Variants in POLN observed in about 807,000 individuals in gnomAD.
The protein encoded by POLN is DNA polymerase nu, also known as DNA polymerase N.
POLN carries 108 observed loss-of-function variants against 113.5 expected under a neutral mutation model. The observed-to-expected ratio is 0.95, with a 90% CI of 0.81 to 1.12. The LOEUF is 1.12. POLN is among the 50% of genes most tolerant of loss of function. The pLI, the probability that POLN is intolerant of heterozygous loss-of-function variation, is 0.00. For missense variants in POLN, 1,097 were observed against 1,077.1 expected (o/e 1.02, Z -0.26); for synonymous variants, 386 against 391.5 (o/e 0.99, Z 0.17).
chr4:2,130,334 C>A (rs1731694970), intron 17 of POLN, among the ~76,000 whole-genome samples: 1 of 151,266 alleles, frequency 6.6e-6, no homozygotes, highest in African/African-American at 2.4e-5. Flanking sequence ...GAGGACAAGA[C>A]AAGACTGCTC....
intron 13 of POLN, among the ~76,000 whole-genome samples, chr4:2,166,264 CCT>C (rs1162556266): frequency 1.3e-5 from 2 of 152,196 alleles, no homozygotes; most frequent in South Asian, 2.1e-4. Context: ...AGCCTCAGCC[CCT>C]GAGCAGCCTG....
At chr4:2,136,092 A>G (rs1731850713) in intron 16 of POLN, among the ~76,000 whole-genome samples, 1 of 152,204 alleles carries the variant, frequency 6.6e-6, no homozygotes, top group Non-Finnish European at 1.5e-5. Context: ...TTGACCACCC[A>G]TGAACATTTC....
Position 2,183,837 on chromosome 4 carries a change from G to A in POLN, c.1022-4372C>T, listed in dbSNP as rs1021190508. 4.0e-5 allele frequency among the ~76,000 whole-genome samples: 6 copies of A among 151,616 alleles called. 1 individual carries two copies. The highest frequency in any genetic ancestry group is 4.2e-4 in the South Asian group (2 of 4,784). ...TATGAAATTATATCTTAATAAAACC[G>A]CTATTTTTTAAAGCTATACCAGAAA... is the stretch of plus-strand genomic sequence containing the variant. On this transcript the variant is annotated intron_variant, in intron 7 of 25. Transcript: ENST00000511885.
At chr4:2,163,734 C>A (rs1258061837) in intron 13 of POLN, among the ~76,000 whole-genome samples, 1 of 152,242 alleles carries the variant, frequency 6.6e-6, no homozygotes, top group South Asian at 2.1e-4. Flanking sequence ...CCTGGGCATC[C>A]GTGTTTTCCA....
intron 16 of POLN, among the ~76,000 whole-genome samples, chr4:2,142,544 G>A (rs34858609): frequency 0.01 from 1,538 of 152,292 alleles, 30 homozygotes; most frequent in African/African-American, 0.033. Context: ...AGAAAATACG[G>A]CAGACTGGCT....
chr4:2,098,483 A>G (rs1453762623), intron 19 of POLN, among the ~76,000 whole-genome samples: 2 of 152,176 alleles, frequency 1.3e-5, no homozygotes, highest in Non-Finnish European at 2.9e-5. Context: ...AACTTAACCA[A>G]ATGAAAATGT....
Position 2,198,699 on chromosome 4 carries a change from T to G in POLN, c.733A>C (p.Arg245=). 6.2e-7 allele frequency: 1 copy of G among 1,609,138 alleles called. No homozygotes were observed. Among genetic ancestry groups the G allele is most frequent in the South Asian group, 1.1e-5 (1 of 90,130 alleles). Residue 245 remains arginine, a synonymous_variant, in exon 6 of 26, where the codon AGA becomes CGA. Transcript: ENST00000511885. ...GADQTPVSSV[R]GIVVLVKRQA... is the part of the protein sequence containing the mutation. ...CGTTTTACTAACACCACAATTCCTC[T>G]AACAGAAGAAACGGGGGTCTGTGGA...
intron 6 of POLN, among the ~76,000 whole-genome samples, chr4:2,194,658 A>G (rs1369187290): frequency 1.3e-5 from 2 of 152,198 alleles, no homozygotes; most frequent in Non-Finnish European, 2.9e-5. Context: ...CAACTACACT[A>G]TCTTCCGCTA....
At chr4:2,226,236 G>A (rs571427843) in intron 3 of POLN, among the ~76,000 whole-genome samples, 3 of 152,284 alleles carry the variant, frequency 2.0e-5, no homozygotes, top group African/African-American at 7.2e-5. Context: ...AATGGCACCC[G>A]CTGAGCTCAC....
At chr4:2,089,763 A>G in intron 20 of POLN, 3 of 724,380 alleles carry the variant, frequency 4.1e-6, no homozygotes, top group Non-Finnish European at 6.9e-6. Flanking sequence ...TGGACTTTAA[A>G]TCTGGTATTT....
Position 2,177,831 on chromosome 4 carries a change from G to C in POLN, c.1179+1477C>G, listed in dbSNP as rs574598185. Among the ~76,000 whole-genome samples the C allele has an allele frequency of 5.9e-5, 9 of 152,288 alleles. No individual in the cohort carries two copies. In the South Asian group the frequency reaches 1.9e-3, roughly 32 times the overall value. On this transcript the variant is annotated intron_variant, in intron 8 of 25. Transcript: ENST00000511885. ...GGTGTAGACACATGGTACAAGGAGGGAAAGAAAACACTCTCCAAGTGCTGA... is the reference window on the plus strand; with the variant it reads ...GGTGTAGACACATGGTACAAGGAGGCAAAGAAAACACTCTCCAAGTGCTGA...
chr4:2,160,209 G>A (rs1222554425), intron 13 of POLN, among the ~76,000 whole-genome samples: 2 of 152,168 alleles, frequency 1.3e-5, no homozygotes, highest in Admixed American at 1.3e-4. Context: ...AGTGACTAAC[G>A]CTGTTGGACA....
At chr4:2,206,571 T>A (rs963360079) in intron 5 of POLN, among the ~76,000 whole-genome samples, 1 of 151,870 alleles carries the variant, frequency 6.6e-6, no homozygotes, top group African/African-American at 2.4e-5. Context: ...AACAATCCCA[T>A]CAAAAAGTGG....
chr4:2,134,729 T>C (rs1731811108), intron 16 of POLN, among the ~76,000 whole-genome samples: 3 of 152,174 alleles, frequency 2.0e-5, no homozygotes, highest in African/African-American at 7.2e-5. Flanking sequence ...GTCACAATGC[T>C]CTGAAGAGCA....
intron 4 of POLN, among the ~76,000 whole-genome samples, chr4:2,212,455 G>A (rs1362626252): frequency 6.6e-6 from 1 of 152,052 alleles, no homozygotes; most frequent in East Asian, 1.9e-4. Flanking sequence ...GCTCACTGCA[G>A]CCTCAAAATC....
chr4:2,212,973 G>C, intron 4 of POLN, 74 bp downstream of exon 4: 1 of 1,051,758 alleles, frequency 9.5e-7, no homozygotes. Context: ...CTAGCACACA[G>C]TAGAACACTT....
intron 2 of POLN, among the ~76,000 whole-genome samples, chr4:2,239,422 T>A (rs1464619230): frequency 6.6e-6 from 1 of 152,254 alleles, no homozygotes; most frequent in East Asian, 1.9e-4. Context: ...TTAGCACTTC[T>A]ACGTAATTAT....
intron 16 of POLN, among the ~76,000 whole-genome samples, chr4:2,139,138 A>G (rs1162448950): frequency 6.6e-6 from 1 of 152,154 alleles, no homozygotes; most frequent in Non-Finnish European, 1.5e-5. Flanking sequence ...GACAAGCCGC[A>G]GGGTCAGAGG....
intron 8 of POLN, among the ~76,000 whole-genome samples, chr4:2,177,938 G>A (rs968948414): frequency 1.3e-5 from 2 of 152,242 alleles, no homozygotes; most frequent in East Asian, 3.8e-4. Context: ...GGGACTCAGG[G>A]CTGCGTGGCT....
Sources: allele counts gnomAD v4.1 joint callset (sites outside exome capture counted in the v4.1 genomes callset), GRCh38; gene constraint gnomAD v4.1.1; transcripts MANE v1.5; gene names NCBI Gene and HGNC (gene_info 2026-07-23, HGNC 2026-07-21).